Variants in H2AC7 observed in about 807,000 individuals in gnomAD.
The protein encoded by H2AC7 is histone H2A type 1-D.
Under a neutral mutation model 8.3 loss-of-function variants are expected in H2AC7, and 15 were observed. That is an observed-to-expected ratio of 1.81 (90% CI 1.21 to 2.79). H2AC7 has a LOEUF of 2.79. Among genes scored for constraint, H2AC7 ranks in the 30% most tolerant of loss-of-function variants. The pLI is 0.00. For missense variants in H2AC7, 283 were observed against 175.2 expected (o/e 1.62, Z -3.47); for synonymous variants, 168 against 80.1 (o/e 2.10, Z -5.86).
chr6:26,198,836 A>T lies in H2AC7; in HGVS notation c.*15T>A. 1.2e-6 allele frequency: 2 copies of T among 1,610,608 alleles called. No individual in the cohort carries two copies. The highest frequency in any genetic ancestry group is 1.1e-5 in the South Asian group (1 of 90,534). Reference sequence around the variant, plus strand: ...AAGACTGCTTCCTTAAAAAGCCAATATAAGAGTTCTCGTTTTACTTGCCCT... The same window carrying T: ...AAGACTGCTTCCTTAAAAAGCCAATTTAAGAGTTCTCGTTTTACTTGCCCT... On this transcript the variant is annotated 3_prime_UTR_variant, in exon 1 of 1. Coordinates refer to ENST00000341023, the MANE Select transcript of H2AC7 (RefSeq NM_021065.3).
chr6:26,198,837 T>C lies in H2AC7; in HGVS notation c.*14A>G. 1 of 1,610,754 alleles carries C rather than the reference T, an allele frequency of 6.2e-7. No homozygotes were observed. The highest frequency in any genetic ancestry group is 1.3e-5 in the African/African-American group (1 of 74,686). On this transcript the variant is annotated 3_prime_UTR_variant, in exon 1 of 1. Transcript: ENST00000341023. ...AGACTGCTTCCTTAAAAAGCCAATA[T>C]AAGAGTTCTCGTTTTACTTGCCCTT...
In H2AC7 at chr6:26,199,251, T is replaced by G; in HGVS notation, c.-8A>C. 1.3e-6 allele frequency: 2 copies of G among 1,591,974 alleles called. No homozygotes were observed. The highest frequency in any genetic ancestry group is 1.2e-5 in the South Asian group (1 of 86,842). On this transcript the variant is annotated 5_prime_UTR_variant, in exon 1 of 1. Transcript: ENST00000341023. The stretch of plus-strand genomic sequence containing the variant: ...CTTGCCGCGTCCGGACATTTTGAAT[T>G]CTTAAAAACGATGTTAAGCAATGAA...
At position 26,198,844 on chromosome 6, in the gene H2AC7, T is replaced by C. The variant is rs1156419719; in HGVS notation, c.*7A>G. The stretch of plus-strand genomic sequence containing the variant: ...TTCCTTAAAAAGCCAATATAAGAGT[T>C]CTCGTTTTACTTGCCCTTGGCCTTG... On this transcript the variant is annotated 3_prime_UTR_variant, in exon 1 of 1. Coordinates refer to ENST00000341023, the MANE Select transcript of H2AC7 (RefSeq NM_021065.3). 3 of 1,611,224 alleles carry C rather than the reference T, an allele frequency of 1.9e-6. No homozygotes were observed. The highest frequency in any genetic ancestry group is 2.5e-6 in the Non-Finnish European group (3 of 1,179,410).
In H2AC7 at chr6:26,198,825, A is replaced by T. The variant is rs1765049936; in HGVS notation, c.*26T>A. The stretch of plus-strand genomic sequence containing the variant: ...GAGCCTTTGTTAAGACTGCTTCCTT[A>T]AAAAGCCAATATAAGAGTTCTCGTT... On this transcript the variant is annotated 3_prime_UTR_variant, in exon 1 of 1. Transcript: ENST00000341023. 6.2e-7 allele frequency: 1 copy of T among 1,602,094 alleles called. No homozygotes were observed. The highest frequency in any genetic ancestry group is 2.2e-5 in the East Asian group (1 of 44,846).
rs142347437 is a variant in H2AC7, at chr6:26,199,096, C to T, written c.148G>A (p.Val50Met). ...YSERVGAGAP[V>M]YLAAVLEYLT... ...TACTCCAACACCGCCGCCAGATACA[C>T]TGGCGCGCCGGCCCCGACTCGCTCG... The change falls in exon 1 of 1, where the codon GTG becomes ATG. Residue 50 changes from valine to methionine, a missense_variant. Physicochemically the swap from Val to Met is conservative, Grantham distance 21. Coordinates refer to ENST00000341023, the MANE Select transcript of H2AC7 (RefSeq NM_021065.3). 6.2e-7 allele frequency: 1 copy of T among 1,614,178 alleles called. No individual in the cohort carries two copies. The highest frequency in any genetic ancestry group is 8.5e-7 in the Non-Finnish European group (1 of 1,180,022).
rs763007218 is a variant in H2AC7 at position 26,198,962 on chromosome 6, T to A, written c.282A>T (p.Leu94=). The change falls in exon 1 of 1, where the codon CTA becomes CTT. Residue 94 remains leucine, a synonymous_variant. Transcript: ENST00000341023. ...LQLAIRNDEE[L]NKLLGKVTIA... is the part of the protein sequence containing the mutation. Reference sequence around the variant, plus strand: ...TTGTGACTTTACCCAGCAACTTGTTTAGCTCCTCGTCGTTGCGGATGGCCA... The same window carrying A: ...TTGTGACTTTACCCAGCAACTTGTTAAGCTCCTCGTCGTTGCGGATGGCCA... 11 of 1,614,238 alleles carry A rather than the reference T, an allele frequency of 6.8e-6. No homozygotes were observed. The East Asian group carries it at 2.2e-4, about 33-fold the overall frequency.
At position 26,199,040 on chromosome 6, in the gene H2AC7, G is replaced by A. The variant is rs778021325; in HGVS notation, c.204C>T (p.Gly68=). ...TCTTCTTGTTGTCGCGGGCGGCGTT[G>A]CCCGCCAGCTCCAGGATCTCGGCGG... ...YLTAEILELA[G]NAARDNKKTR... The change falls in exon 1 of 1, where the codon GGC becomes GGT. Residue 68 remains glycine, a synonymous_variant. Transcript: ENST00000341023. 2 of 1,614,182 alleles carry A rather than the reference G, an allele frequency of 1.2e-6. No homozygotes were observed. The highest frequency in any genetic ancestry group is 3.3e-5 in the Admixed American group (2 of 60,030).
In H2AC7 at chr6:26,199,201, C is replaced by T. The variant is rs146180063; in HGVS notation, c.43G>A (p.Ala15Thr). 1.9e-6 allele frequency: 3 copies of T among 1,612,604 alleles called. No individual in the cohort carries two copies. Among genetic ancestry groups the T allele is most frequent in the South Asian group, 1.1e-5 (1 of 90,804 alleles). Residue 15 changes from alanine (A) to threonine (T), a missense_variant, in exon 1 of 1, where the codon GCT becomes ACT. Ala to Thr is a moderately conservative substitution (Grantham distance 58, BLOSUM62 0). Coordinates refer to ENST00000341023, the MANE Select transcript of H2AC7 (RefSeq NM_021065.3). ...CCGGCCCGCGAAGAGCGGGTCTTAG[C>T]CTTAGCTCGGGCCTTTCCGCCTTGC... ...GKQGGKARAK[A>T]KTRSSRAGLQ...
In H2AC7 at chr6:26,199,152, A is replaced by C. The variant is rs984669097; in HGVS notation, c.92T>G (p.Val31Gly). Residue 31 changes from valine to glycine, a missense_variant, in exon 1 of 1, where the codon GTA (valine) becomes GGA (glycine). Physicochemically the swap from Val to Gly is moderately radical, Grantham distance 109. Coordinates refer to ENST00000341023, the MANE Select transcript of H2AC7 (RefSeq NM_021065.3). ...RAGLQFPVGRVHRLLRKGNYS... is the reference protein window; with the variant it reads ...RAGLQFPVGRGHRLLRKGNYS... ...GTTGCCCTTGCGGAGCAAGCGGTGT[A>C]CGCGGCCCACAGGGAACTGGAGTCC... 3 of 1,614,152 alleles carry C rather than the reference A, an allele frequency of 1.9e-6. No individual in the cohort carries two copies. The highest frequency in any genetic ancestry group is 2.5e-6 in the Non-Finnish European group (3 of 1,180,028).
Position 26,199,117 on chromosome 6 carries a change from G to A in H2AC7, c.127C>T (p.Arg43Ter), listed in dbSNP as rs568525707. ...RLLRKGNYSE[R>*]VGAGAPVYLA... Reference sequence around the variant, plus strand: ...TACACTGGCGCGCCGGCCCCGACTCGCTCGGAGTAGTTGCCCTTGCGGAGC... The same window carrying A: ...TACACTGGCGCGCCGGCCCCGACTCACTCGGAGTAGTTGCCCTTGCGGAGC... Residue 43 changes from arginine (R) to a stop codon, truncating the protein, a stop_gained, in exon 1 of 1, where the codon CGA (arginine) becomes TGA (stop). Coordinates refer to ENST00000341023, the MANE Select transcript of H2AC7 (RefSeq NM_021065.3). LOFTEE classifies it high-confidence loss of function. 6.2e-7 allele frequency: 1 copy of A among 1,614,198 alleles called. No individual in the cohort carries two copies. Among genetic ancestry groups the A allele is most frequent in the Non-Finnish European group, 8.5e-7 (1 of 1,180,016 alleles).
rs201905916 is a variant in H2AC7 at position 26,199,213 on chromosome 6, C to A, written c.31G>T (p.Ala11Ser). The A allele has an allele frequency of 9.3e-6, 15 of 1,607,534 alleles. No homozygotes were observed. The highest frequency in any genetic ancestry group is 1.3e-5 in the Non-Finnish European group (15 of 1,178,296). MSGRGKQGGK[A>S]RAKAKTRSSR... is the part of the protein sequence containing the mutation. ...GAGCGGGTCTTAGCCTTAGCTCGGG[C>A]CTTTCCGCCTTGCTTGCCGCGTCCG... is the stretch of plus-strand genomic sequence containing the variant. The change falls in exon 1 of 1, where the codon GCC (alanine) becomes TCC (serine). Residue 11 changes from alanine to serine, a missense_variant. Physicochemically the swap from Ala to Ser is moderately conservative, Grantham distance 99. Coordinates refer to ENST00000341023, the MANE Select transcript of H2AC7 (RefSeq NM_021065.3).
Position 26,198,960 on chromosome 6 carries a change from T to C in H2AC7, c.284A>G (p.Asn95Ser). 6.2e-7 allele frequency: 1 copy of C among 1,614,224 alleles called. No individual in the cohort carries two copies. Among genetic ancestry groups the C allele is most frequent in the Non-Finnish European group, 8.5e-7 (1 of 1,180,040 alleles). The change falls in exon 1 of 1, where the codon AAC (asparagine) becomes AGC (serine). Residue 95 changes from asparagine to serine, a missense_variant. By Grantham distance (46) the Asn-to-Ser change is conservative. Transcript: ENST00000341023. Reference protein sequence around the residue: ...QLAIRNDEELNKLLGKVTIAQ... With the variant: ...QLAIRNDEELSKLLGKVTIAQ... ...AATTGTGACTTTACCCAGCAACTTG[T>C]TTAGCTCCTCGTCGTTGCGGATGGC...
Position 26,199,209 on chromosome 6 carries a change from C to A in H2AC7, c.35G>T (p.Arg12Leu), listed in dbSNP as rs1483224565. ...SGRGKQGGKARAKAKTRSSRA... is the reference protein window; with the variant it reads ...SGRGKQGGKALAKAKTRSSRA... ...CGAAGAGCGGGTCTTAGCCTTAGCTCGGGCCTTTCCGCCTTGCTTGCCGCG... is the reference window on the plus strand; with the variant it reads ...CGAAGAGCGGGTCTTAGCCTTAGCTAGGGCCTTTCCGCCTTGCTTGCCGCG... The change falls in exon 1 of 1, where the codon CGA (arginine) becomes CTA (leucine). Residue 12 changes from arginine to leucine, a missense_variant. Arg to Leu is a moderately radical substitution (Grantham distance 102). Coordinates refer to ENST00000341023, the MANE Select transcript of H2AC7 (RefSeq NM_021065.3). 1 of 1,608,790 alleles carries A rather than the reference C, an allele frequency of 6.2e-7. No homozygotes were observed. The highest frequency in any genetic ancestry group is 1.1e-5 in the South Asian group (1 of 89,996).
rs771816214 is a variant in H2AC7, at chr6:26,199,259, A to T, written c.-16T>A. The T allele has an allele frequency of 5.7e-6, 9 of 1,590,940 alleles. No homozygotes were observed. The highest frequency in any genetic ancestry group is 7.7e-6 in the Non-Finnish European group (9 of 1,174,046). On this transcript the variant is annotated 5_prime_UTR_variant, in exon 1 of 1. Transcript: ENST00000341023. ...GTCCGGACATTTTGAATTCTTAAAA[A>T]CGATGTTAAGCAATGAAGACAAAAA...
In H2AC7 at chr6:26,199,010, G is replaced by A. The variant is rs774013948; in HGVS notation, c.234C>T (p.Arg78=). The change falls in exon 1 of 1, where the codon CGC becomes CGT. Residue 78 remains arginine, a synonymous_variant. Coordinates refer to ENST00000341023, the MANE Select transcript of H2AC7 (RefSeq NM_021065.3). ...GNAARDNKKT[R]IIPRHLQLAI... ...CCAGCTGCAGGTGTCGGGGGATGAT[G>A]CGGGTCTTCTTGTTGTCGCGGGCGG... 12 of 1,614,192 alleles carry A rather than the reference G, an allele frequency of 7.4e-6. No homozygotes were observed. The Middle Eastern group carries it at 5.0e-4, about 67-fold the overall frequency.
Position 26,198,785 on chromosome 6 carries a change from G to A in H2AC7, c.*66C>T. The A allele has an allele frequency of 1.4e-6, 2 of 1,479,458 alleles. No homozygotes were observed. The highest frequency in any genetic ancestry group is 1.9e-6 in the Non-Finnish European group (2 of 1,078,176). 91.6% of individuals were successfully genotyped at this position (1,479,458 alleles called of 1,614,324 possible). A position where few individuals can be genotyped will look rare whatever the true frequency, so the allele number is the denominator to read the frequency against. ...ATGTGAGCCCTTTTAAGGAATACATGGGTGGCTCTGAAAAGAGCCTTTGTT... is the reference window on the plus strand; with the variant it reads ...ATGTGAGCCCTTTTAAGGAATACATAGGTGGCTCTGAAAAGAGCCTTTGTT... On this transcript the variant is annotated 3_prime_UTR_variant, in exon 1 of 1. Coordinates refer to ENST00000341023, the MANE Select transcript of H2AC7 (RefSeq NM_021065.3).
rs1391035959 is a variant in H2AC7, at chr6:26,199,036, C to G, written c.208G>C (p.Ala70Pro). 2 of 1,614,048 alleles carry G rather than the reference C, an allele frequency of 1.2e-6. No individual in the cohort carries two copies. The highest frequency in any genetic ancestry group is 3.3e-5 in the Admixed American group (2 of 60,018). The change falls in exon 1 of 1, where the codon GCC becomes CCC. Residue 70 changes from alanine to proline, a missense_variant. By Grantham distance (27) the Ala-to-Pro change is conservative. Transcript: ENST00000341023. Reference protein sequence around the residue: ...TAEILELAGNAARDNKKTRII... With the variant: ...TAEILELAGNPARDNKKTRII... ...CGGGTCTTCTTGTTGTCGCGGGCGG[C>G]GTTGCCCGCCAGCTCCAGGATCTCG...
rs372864503 is a variant in H2AC7, at chr6:26,199,139, G to A, written c.105C>T (p.Leu35=). 4 of 1,614,230 alleles carry A rather than the reference G, an allele frequency of 2.5e-6. No homozygotes were observed. The highest frequency in any genetic ancestry group is 2.2e-5 in the East Asian group (1 of 44,882). The part of the protein sequence containing the change: ...QFPVGRVHRL[L]RKGNYSERVG... ...CTCGCTCGGAGTAGTTGCCCTTGCG[G>A]AGCAAGCGGTGTACGCGGCCCACAG... The change falls in exon 1 of 1, where the codon CTC becomes CTT. Residue 35 remains leucine, a synonymous_variant. Transcript: ENST00000341023.
rs1561982013 is a variant in H2AC7, at chr6:26,199,136, G to A, written c.108C>T (p.Arg36=). The change falls in exon 1 of 1, where the codon CGC becomes CGT. Residue 36 remains arginine (R), a synonymous_variant. Coordinates refer to ENST00000341023, the MANE Select transcript of H2AC7 (RefSeq NM_021065.3). ...CGACTCGCTCGGAGTAGTTGCCCTTGCGGAGCAAGCGGTGTACGCGGCCCA... is the reference window on the plus strand; with the variant it reads ...CGACTCGCTCGGAGTAGTTGCCCTTACGGAGCAAGCGGTGTACGCGGCCCA... ...FPVGRVHRLL[R]KGNYSERVGA... The A allele has an allele frequency of 5.0e-6, 8 of 1,614,226 alleles. No individual in the cohort carries two copies. Among genetic ancestry groups the A allele is most frequent in the Non-Finnish European group, 6.8e-6 (8 of 1,180,038 alleles).
Sources: allele counts gnomAD v4.1 joint callset, GRCh38; gene constraint gnomAD v4.1.1; transcripts MANE v1.5; gene names NCBI Gene and HGNC (gene_info 2026-07-23, HGNC 2026-07-21).